LRRC37A2: variants seen among roughly 807,000 people sequenced by gnomAD.
The protein encoded by LRRC37A2 is leucine-rich repeat-containing protein 37A2.
LRRC37A2 carries 9 observed loss-of-function variants against 68.8 expected under a neutral mutation model. That is an observed-to-expected ratio of 0.13 (90% CI 0.08 to 0.23). LRRC37A2 has a LOEUF of 0.23. Among genes scored for constraint, LRRC37A2 ranks in the 10% least tolerant of loss-of-function variants. LRRC37A2 has a pLI of 1.00. For missense variants in LRRC37A2, 168 were observed against 950.4 expected, an observed-to-expected ratio of 0.18 and a Z score of 10.82; for synonymous variants, 63 against 367.6, an observed-to-expected ratio of 0.17 and a Z score of 9.48.
chr17:46,920,730 C>T, the LRRC37A2 span, among the ~76,000 whole-genome samples: 14 of 152,164 alleles, frequency 9.2e-5, no homozygotes, highest in Non-Finnish European at 1.8e-4. Flanking sequence ...TTTCTACCTT[C>T]TAGAATGTTT....
chr17:46,984,964 T>C, the LRRC37A2 span, among the ~76,000 whole-genome samples: 1 of 152,158 alleles, frequency 6.6e-6, no homozygotes, highest in Non-Finnish European at 1.5e-5. Context: ...GAAGTGGTTT[T>C]AAACAACCCC....
the LRRC37A2 span, among the ~76,000 whole-genome samples, chr17:46,742,455 C>G: frequency 2.6e-5 from 4 of 152,154 alleles, no homozygotes; most frequent in Non-Finnish European, 5.9e-5. Flanking sequence ...ATCAGTAAAG[C>G]CAAACCGACT....
chr17:46,984,154 G>A, the LRRC37A2 span: 1 of 152,226 alleles, frequency 6.6e-6, no homozygotes, highest in African/African-American at 2.4e-5. Flanking sequence ...AGCAAGACTT[G>A]TAGAAAGAAA....
chr17:46,955,752 C>T, the LRRC37A2 span: 1 of 152,268 alleles, frequency 6.6e-6, no homozygotes, highest in Non-Finnish European at 1.5e-5. Flanking sequence ...TCAGCACTCA[C>T]TTTTGTTAAC....
At chr17:46,836,953 T>C in the LRRC37A2 span, among the ~76,000 whole-genome samples, 12 of 152,084 alleles carry the variant, frequency 7.9e-5, no homozygotes, top group Non-Finnish European at 1.6e-4. Context: ...TCTTTTTTTC[T>C]TTTTTTTGAG....
At chr17:46,714,462 C>A in the LRRC37A2 span, among the ~76,000 whole-genome samples, 1 of 152,218 alleles carries the variant, frequency 6.6e-6, no homozygotes, top group Admixed American at 6.5e-5. Flanking sequence ...TGCTTGGTAA[C>A]TTAATGCAGT....
the LRRC37A2 span, among the ~76,000 whole-genome samples, chr17:46,807,408 G>C: frequency 3.9e-5 from 6 of 152,190 alleles, no homozygotes; most frequent in African/African-American, 1.4e-4. Flanking sequence ...CTTGAACCCG[G>C]GAGGCGGAGG....
At chr17:46,854,611 A>C in the LRRC37A2 span, among the ~76,000 whole-genome samples, 1 of 148,602 alleles carries the variant, frequency 6.7e-6, no homozygotes, top group Non-Finnish European at 1.5e-5. Flanking sequence ...CTAGAGCCTA[A>C]TTCTGTTAAT....
At chr17:47,010,847 AT>A in the LRRC37A2 span, 11 of 152,260 alleles carry the variant, frequency 7.2e-5, no homozygotes, top group Non-Finnish European at 1.3e-4. Context: ...AGGGGGCGTA[AT>A]GGGCAGGGAT....
At chr17:46,839,922 TTCTTTCTTTCTTTC>T in the LRRC37A2 span, among the ~76,000 whole-genome samples, 2 of 103,308 alleles carry the variant, frequency 1.9e-5, no homozygotes. Context: ...TTTTCTTTCT[TTCTTTCTTTCTTTC>T]TTTCTTTCTT....
chr17:46,933,014 A>G, the LRRC37A2 span: 4 of 152,436 alleles, frequency 2.6e-5, no homozygotes, highest in African/African-American at 9.6e-5. Flanking sequence ...AAATTTTCCC[A>G]AGTGTTTCAG....
chr17:46,784,784 T>C, the LRRC37A2 span, among the ~76,000 whole-genome samples: 1 of 150,942 alleles, frequency 6.6e-6, no homozygotes, highest in Non-Finnish European at 1.5e-5. Context: ...TTTCTTTTTT[T>C]TTTTTTTTTG....
chr17:46,939,531 C>A, the LRRC37A2 span: 4 of 985,650 alleles, frequency 4.1e-6, no homozygotes, highest in Non-Finnish European at 4.8e-6. Context: ...GCACCTGCGC[C>A]CAGGCTTTGT....
the LRRC37A2 span, among the ~76,000 whole-genome samples, chr17:46,800,159 G>A: frequency 6.6e-6 from 1 of 152,202 alleles, no homozygotes; most frequent in East Asian, 1.9e-4. Flanking sequence ...CACCCAGGCT[G>A]GAGTGCAGTG....
At chr17:46,767,644 GCCC>G in the LRRC37A2 span, among the ~76,000 whole-genome samples, 1 of 152,222 alleles carries the variant, frequency 6.6e-6, no homozygotes, top group Admixed American at 6.5e-5. Context: ...CCAGCTTCCA[GCCC>G]CCCATCTCCA....
the LRRC37A2 span, among the ~76,000 whole-genome samples, chr17:47,042,996 A>G: frequency 1.6e-3 from 245 of 150,332 alleles, 6 homozygotes; most frequent in Non-Finnish European, 2.8e-3. Flanking sequence ...TTCCTCATTT[A>G]AAAATAGGGC....
At chr17:46,975,712 G>T in the LRRC37A2 span, among the ~76,000 whole-genome samples, 1 of 152,136 alleles carries the variant, frequency 6.6e-6, no homozygotes, top group Non-Finnish European at 1.5e-5. Flanking sequence ...GTGCCCACGT[G>T]TGCAGACTTG....
At chr17:46,966,562 T>C in the LRRC37A2 span, 1 of 696,888 alleles carries the variant, frequency 1.4e-6, no homozygotes, top group East Asian at 2.7e-5. Context: ...TTGCCCAGAA[T>C]GGACCCGAAC....
the LRRC37A2 span, among the ~76,000 whole-genome samples, chr17:47,000,027 AT>A: frequency 1.8e-4 from 4 of 22,764 alleles, no homozygotes; most frequent in Non-Finnish European, 3.9e-4. Flanking sequence ...ATAAAATAAA[AT>A]AAAATAAAAT....
Sources: allele counts gnomAD v4.1 joint callset (sites outside exome capture counted in the v4.1 genomes callset), GRCh38; gene constraint gnomAD v4.1.1; transcripts MANE v1.5; gene names NCBI Gene and HGNC (gene_info 2026-07-23, HGNC 2026-07-21).